Variants in MMP26 observed in about 807,000 individuals in gnomAD.
MMP26 encodes matrix metalloproteinase-26.
MMP26 carries 33 observed loss-of-function variants against 31.0 expected under a neutral mutation model. The observed-to-expected ratio is 1.06, with a 90% CI of 0.81 to 1.42. The LOEUF is 1.42. MMP26 is among the 40% of genes most tolerant of loss of function. The pLI, the probability that MMP26 is intolerant of heterozygous loss-of-function variation, is 0.00. For missense variants in MMP26, 347 were observed against 316.1 expected (o/e 1.10, Z -0.74); for synonymous variants, 122 against 114.9 (o/e 1.06, Z -0.40).
intron 2 of MMP26, among the ~76,000 whole-genome samples, chr11:4,826,618 C>T (rs1849581473): frequency 6.6e-6 from 1 of 152,094 alleles, no homozygotes; most frequent in South Asian, 2.1e-4. Flanking sequence ...GTCTGGTTGG[C>T]AAACCACAAT....
chr11:4,943,377 A>T (rs1846245152), intron 2 of MMP26: 2 of 384,416 alleles, frequency 5.2e-6, no homozygotes, highest in Admixed American at 6.2e-5. Flanking sequence ...TTTCTGAGGA[A>T]CTTCTCTGGT....
intron 2 of MMP26, among the ~76,000 whole-genome samples, chr11:4,909,946 C>T (rs919904628): frequency 3.3e-5 from 5 of 152,016 alleles, no homozygotes; most frequent in South Asian, 2.1e-4. Context: ...ATCCAAACCT[C>T]GGTTTTTGGT....
intron 2 of MMP26, among the ~76,000 whole-genome samples, chr11:4,850,762 TAAATG>T (rs1255538508): frequency 6.6e-6 from 1 of 151,528 alleles, no homozygotes; most frequent in Non-Finnish European, 1.5e-5. Context: ...AAAAGGAAGA[TAAATG>T]CAACAAAAAC....
At position 4,814,629 on chromosome 11, in the gene MMP26, G is replaced by C. The variant is rs140986646; in HGVS notation, c.-145+47288G>C. On this transcript the variant is annotated intron_variant, in intron 2 of 7. Transcript: ENST00000380390. ...AAACAGTTTCTACAAACCAGGTTGT[G>C]TTCCAAGGGTTATTATGCTCTAAGT... Among the ~76,000 whole-genome samples the C allele has an allele frequency of 2.0e-3, 297 of 152,274 alleles. 3 individuals carry two copies. The highest frequency in any genetic ancestry group is 6.8e-3 in the African/African-American group (282 of 41,548).
At chr11:4,987,702 C>A (rs1846926173) in intron 2 of MMP26, among the ~76,000 whole-genome samples, 1 of 152,128 alleles carries the variant, frequency 6.6e-6, no homozygotes, top group Non-Finnish European at 1.5e-5. Flanking sequence ...CAGGCGTGAG[C>A]CATCGTGCCA....
intron 2 of MMP26, among the ~76,000 whole-genome samples, chr11:4,978,288 G>T (rs577317173): frequency 7.2e-5 from 11 of 152,144 alleles, no homozygotes; most frequent in African/African-American, 2.4e-4. Flanking sequence ...CATCAAAACA[G>T]GGCAAGAAGT....
At chr11:4,970,323 A>G (rs1348376790) in intron 2 of MMP26, among the ~76,000 whole-genome samples, 1 of 152,216 alleles carries the variant, frequency 6.6e-6, no homozygotes, top group Middle Eastern at 3.2e-3. Flanking sequence ...CTGATATATA[A>G]TCTGACAGAA....
chr11:4,715,494 C>G (rs1483454856), intron 1 of MMP26, among the ~76,000 whole-genome samples: 2 of 151,856 alleles, frequency 1.3e-5, no homozygotes, highest in African/African-American at 4.8e-5. Flanking sequence ...AATTTTTTGT[C>G]TTATTCAAAA....
At chr11:4,988,755 C>A (rs1438145399) in intron 3 of MMP26, among the ~76,000 whole-genome samples, 1 of 152,152 alleles carries the variant, frequency 6.6e-6, no homozygotes, top group Non-Finnish European at 1.5e-5. Flanking sequence ...TATGAATTTG[C>A]TCCAAACTTT....
intron 2 of MMP26, among the ~76,000 whole-genome samples, chr11:4,982,674 A>G (rs921052163): frequency 3.3e-5 from 5 of 152,222 alleles, no homozygotes; most frequent in African/African-American, 1.2e-4. Context: ...ATCTGAATAA[A>G]CACCAGTATA....
chr11:4,807,804 T>C (rs770145832), intron 2 of MMP26, among the ~76,000 whole-genome samples: 4 of 152,140 alleles, frequency 2.6e-5, no homozygotes, highest in Non-Finnish European at 5.9e-5. Flanking sequence ...TATTTGCTTG[T>C]TCTTTTTCTT....
chr11:4,876,705 T>G (rs1008466102), intron 2 of MMP26: 1 of 151,132 alleles, frequency 6.6e-6, no homozygotes, highest in South Asian at 2.1e-4. Flanking sequence ...ACCATCCTTG[T>G]TGTCATCAAA....
chr11:4,823,679 C>T (rs1445022433), intron 2 of MMP26, among the ~76,000 whole-genome samples: 1 of 152,144 alleles, frequency 6.6e-6, no homozygotes, highest in African/African-American at 2.4e-5. Flanking sequence ...CAACTATTCA[C>T]ATAAATTATT....
intron 2 of MMP26, among the ~76,000 whole-genome samples, chr11:4,862,305 A>G (rs1052906281): frequency 2.6e-5 from 4 of 152,278 alleles, no homozygotes; most frequent in Non-Finnish European, 2.9e-5. Context: ...TTCCTGATGT[A>G]AAGGACTATT....
intron 3 of MMP26, 30 bp from the exon 4 acceptor site, chr11:4,989,618 T>A: frequency 6.3e-7 from 1 of 1,575,270 alleles, no homozygotes; most frequent in Non-Finnish European, 8.7e-7. Flanking sequence ...CTATTGACTC[T>A]TAGTACTCAT....
chr11:4,803,467 C>G, intron 2 of MMP26: 2 of 1,612,292 alleles, frequency 1.2e-6, no homozygotes, highest in Non-Finnish European at 1.7e-6. Context: ...TTGGATAACC[C>G]TGTCCCCGAT....
At chr11:4,965,962 A>G (rs1245489362) in intron 2 of MMP26, among the ~76,000 whole-genome samples, 1 of 152,160 alleles carries the variant, frequency 6.6e-6, no homozygotes, top group Non-Finnish European at 1.5e-5. Context: ...ATTACATGAG[A>G]ACATCTTTAA....
In MMP26 at chr11:4,897,009, T is replaced by G. The variant is rs74054642; in HGVS notation, c.-144-91059T>G. On this transcript the variant is annotated intron_variant, in intron 2 of 7. Coordinates refer to ENST00000380390, the MANE Select transcript of MMP26 (RefSeq NM_021801.5). ...AAGTCCATTTTTGCTAGTAATAGTA[T>G]GGCCACACTGACCATATATATTCAT... Among the ~76,000 whole-genome samples the G allele has an allele frequency of 9.9e-3, 1,509 of 152,272 alleles. 28 individuals carry two copies. The highest frequency in any genetic ancestry group is 0.035 in the African/African-American group (1,445 of 41,554).
intron 2 of MMP26, among the ~76,000 whole-genome samples, chr11:4,916,089 C>T (rs2595977): frequency 0.84 from 126,772 of 151,706 alleles, 53,398 homozygotes; most frequent in East Asian, 0.93. Flanking sequence ...GAGGCCGAGG[C>T]GGGCGGATCA....
Sources: allele counts gnomAD v4.1 joint callset (sites outside exome capture counted in the v4.1 genomes callset), GRCh38; gene constraint gnomAD v4.1.1; transcripts MANE v1.5; gene names NCBI Gene and HGNC (gene_info 2026-07-23, HGNC 2026-07-21).